COA1: variants seen among roughly 807,000 people sequenced by gnomAD.
COA1 encodes the protein cytochrome c oxidase assembly factor 1.
Under a neutral mutation model 16.0 loss-of-function variants are expected in COA1, and 13 were observed. That is an observed-to-expected ratio of 0.81 (90% CI 0.53 to 1.29). The LOEUF is 1.29. Among genes scored for constraint, COA1 ranks in the 50% most tolerant of loss-of-function variants. The pLI is 0.00. For synonymous variants in COA1, 65 were observed against 65.7 expected (o/e 0.99, Z 0.05); for missense variants, 179 against 177.0 (o/e 1.01, Z -0.06).
intron 4 of COA1, among the ~76,000 whole-genome samples, chr7:43,644,743 TAGATAGATAGATAGATAGGC>T (rs1250811575): frequency 2.4e-5 from 3 of 123,332 alleles, no homozygotes; most frequent in Non-Finnish European, 3.5e-5. Context: ...GATAGATAGA[TAGATAGATAGATAGATAGGC>T]AGGCAGGCAG....
intron 1 of COA1, among the ~76,000 whole-genome samples, chr7:43,680,386 T>C (rs2093713335): frequency 6.6e-6 from 1 of 151,568 alleles, no homozygotes; most frequent in Non-Finnish European, 1.5e-5. Context: ...AAAAACTGAA[T>C]AGAGAAAAGA....
intron 6 of COA1, chr7:43,633,269 C>T (rs2085346841): frequency 6.6e-6 from 1 of 152,216 alleles, no homozygotes; most frequent in South Asian, 2.1e-4. Flanking sequence ...GAGATGGCTT[C>T]TTTACTTACA....
At chr7:43,691,823 C>T (rs2094381540) in intron 1 of COA1, among the ~76,000 whole-genome samples, 1 of 152,072 alleles carries the variant, frequency 6.6e-6, no homozygotes, top group African/African-American at 2.4e-5. Context: ...AGGTAGCAGA[C>T]CTGCTGACTG....
intron 1 of COA1, among the ~76,000 whole-genome samples, chr7:43,714,964 ACC>A (rs1246249815): frequency 7.0e-6 from 1 of 143,850 alleles, no homozygotes; most frequent in Admixed American, 7.2e-5. Flanking sequence ...CCAAGACTGC[ACC>A]ACTGCACTCC....
At chr7:43,644,681 C>T (rs754309167) in intron 4 of COA1, among the ~76,000 whole-genome samples, 44 of 139,944 alleles carry the variant, frequency 3.1e-4, no homozygotes, top group Non-Finnish European at 7.8e-5. Flanking sequence ...TGTGCACTAT[C>T]ACGCCTGGCT....
chr7:43,718,264 G>A (rs1326333165), intron 1 of COA1, among the ~76,000 whole-genome samples: 1 of 152,128 alleles, frequency 6.6e-6, no homozygotes, highest in African/African-American at 2.4e-5. Flanking sequence ...TTATTTATAA[G>A]ATGGCAACAG....
intron 4 of COA1, among the ~76,000 whole-genome samples, chr7:43,644,756 A>AGATT (rs1563228614): frequency 1.7e-4 from 14 of 84,132 alleles, no homozygotes; most frequent in African/African-American, 5.0e-4. Context: ...ATAGATAGAT[A>AGATT]GATAGGCAGG....
chr7:43,729,415 C>T lies in COA1; in HGVS notation c.-39+14G>A, dbSNP rs1339701334. ...GGGGGGAAGACGGAGACTCTTATAC[C>T]GCGGGAGACTAACCTGTGAGCAACA... On this transcript the variant is annotated intron_variant, in intron 1 of 5. Transcript: ENST00000223336. The T allele has an allele frequency of 6.6e-6, 1 of 152,308 alleles. No individual in the cohort carries two copies. The highest frequency in any genetic ancestry group is 2.4e-5 in the African/African-American group (1 of 41,472). 9.4% of individuals were successfully genotyped at this position (152,308 alleles called of 1,614,324 possible).
chr7:43,615,543 T>G (rs2083268166), intron 6 of COA1, among the ~76,000 whole-genome samples: 1 of 152,234 alleles, frequency 6.6e-6, no homozygotes, highest in Admixed American at 6.5e-5. Context: ...GTCTGAGGAC[T>G]CATAGTCATG....
chr7:43,618,560 A>T (rs1190732200), intron 6 of COA1, among the ~76,000 whole-genome samples: 1 of 152,226 alleles, frequency 6.6e-6, no homozygotes, highest in African/African-American at 2.4e-5. Context: ...CTTTGGAAAT[A>T]TTCTTAATGG....
At chr7:43,635,990 A>G (rs910621393), downstream of COA1, among the ~76,000 whole-genome samples, 1 of 152,246 alleles carries the variant, frequency 6.6e-6, no homozygotes, top group African/African-American at 2.4e-5. Flanking sequence ...TGATAAGTCA[A>G]TTAAAAAGTT....
chr7:43,693,700 T>G (rs2131107915), intron 1 of COA1, among the ~76,000 whole-genome samples: 1 of 152,252 alleles, frequency 6.6e-6, no homozygotes, highest in South Asian at 2.1e-4. Context: ...GACTCAAAGT[T>G]TCCCTCCTTC....
rs10618048 is a variant in COA1, at chr7:43,679,264, CAAAAAAAAAAA to C, written c.-38-30623_-38-30613del. Among the ~76,000 whole-genome samples, 6 of 84,096 alleles carry C rather than the reference CAAAAAAAAAAA, an allele frequency of 7.1e-5. No individual in the cohort carries two copies. In the East Asian group the frequency reaches 1.0e-3, roughly 14 times the overall value. The allele number at this position is 84,096 out of a possible 152,430, so 55.2% of individuals were successfully genotyped here. The stretch of plus-strand genomic sequence containing the variant: ...CCTGGGCAAGAGCTAAACTCCATTG[CAAAAAAAAAAA>C]AAAAAAAAAAATGCTAAATTTTATG... On this transcript the variant is annotated intron_variant, in intron 1 of 5. Transcript: ENST00000223336.
At chr7:43,722,349 C>T (rs890006326) in intron 1 of COA1, among the ~76,000 whole-genome samples, 2 of 152,094 alleles carry the variant, frequency 1.3e-5, no homozygotes, top group Non-Finnish European at 2.9e-5. Flanking sequence ...CCCACCTTGG[C>T]CCCCCAAAGT....
At chr7:43,621,709 G>T (rs922616668) in intron 6 of COA1, among the ~76,000 whole-genome samples, 7 of 152,052 alleles carry the variant, frequency 4.6e-5, no homozygotes, top group Admixed American at 1.3e-4. Context: ...AGAGCTTTCT[G>T]TTCCTTAGTA....
chr7:43,636,615 G>C (rs2085918550), downstream of COA1, among the ~76,000 whole-genome samples: 1 of 152,150 alleles, frequency 6.6e-6, no homozygotes, highest in South Asian at 2.1e-4. Context: ...GTTAAGTTCT[G>C]GCTGTTTTGT....
In COA1 at chr7:43,698,981, G is replaced by C. The variant is rs189090412; in HGVS notation, c.-39+30448C>G. ...ATCTTATATTAGCATAAATATTCTT[G>C]CAATTGTCAACCAGAAAGTTTTACA... is the stretch of plus-strand genomic sequence containing the variant. On this transcript the variant is annotated intron_variant, in intron 1 of 5. Coordinates refer to ENST00000223336, the MANE Select transcript of COA1 (RefSeq NM_018224.4). 1.9e-3 allele frequency among the ~76,000 whole-genome samples: 291 copies of C among 152,218 alleles called. 1 individual carries two copies. The highest frequency in any genetic ancestry group is 3.5e-3 in the Non-Finnish European group (239 of 68,004).
At chr7:43,625,963 TTTTA>T (rs750786532) in intron 6 of COA1, 7 of 152,224 alleles carry the variant, frequency 4.6e-5, no homozygotes, top group Admixed American at 6.5e-5. Context: ...GTACTAATAG[TTTTA>T]TTTGATTAGG....
intron 1 of COA1, among the ~76,000 whole-genome samples, chr7:43,657,950 G>T (rs1025624057): frequency 2.6e-5 from 4 of 152,112 alleles, no homozygotes; most frequent in Admixed American, 2.6e-4. Flanking sequence ...TTAAAACAAC[G>T]AGAGGCGGAG....
Sources: allele counts gnomAD v4.1 joint callset (sites outside exome capture counted in the v4.1 genomes callset), GRCh38; gene constraint gnomAD v4.1.1; transcripts MANE v1.5; gene names NCBI Gene and HGNC (gene_info 2026-07-23, HGNC 2026-07-21).